Variants in PEAK1 observed in about 807,000 individuals in gnomAD.
PEAK1 encodes the protein pseudopodium enriched atypical kinase 1.
A neutral mutation model predicts 124.7 loss-of-function variants in PEAK1; 54 were observed. The observed-to-expected ratio is 0.43, with a 90% CI of 0.35 to 0.54. The LOEUF is 0.54. Among genes scored for constraint, PEAK1 ranks in the 20% least tolerant of loss-of-function variants. PEAK1 has a pLI of 0.01. For synonymous variants in PEAK1, 719 were observed against 760.0 expected (o/e 0.95, Z 0.89); for missense variants, 2,046 against 2,134.5 (o/e 0.96, Z 0.82).
intron 5 of PEAK1, among the ~76,000 whole-genome samples, chr15:77,262,485 A>G (rs1024817103): frequency 1.3e-5 from 2 of 151,526 alleles, no homozygotes; most frequent in African/African-American, 2.4e-5. Context: ...CAGACTTTAA[A>G]CCAATAAAGA....
chr15:77,293,745 C>A (rs1567221770), intron 2 of PEAK1, among the ~76,000 whole-genome samples: 1 of 152,120 alleles, frequency 6.6e-6, no homozygotes, highest in East Asian at 1.9e-4. Flanking sequence ...TTATATTATT[C>A]TCTAGTCTAG....
chr15:77,370,352 G>A (rs1219643374), intron 1 of PEAK1, among the ~76,000 whole-genome samples: 1 of 152,130 alleles, frequency 6.6e-6, no homozygotes, highest in Non-Finnish European at 1.5e-5. Flanking sequence ...AATCTTGAAA[G>A]TTGTAATAAA....
chr15:77,232,149 A>G (rs2152897659), intron 6 of PEAK1, among the ~76,000 whole-genome samples: 1 of 152,312 alleles, frequency 6.6e-6, no homozygotes, highest in Admixed American at 6.5e-5. Flanking sequence ...TTTAATCAGT[A>G]TTCTCACTTC....
chr15:77,294,610 C>T (rs554017173), intron 2 of PEAK1, among the ~76,000 whole-genome samples: 105 of 152,174 alleles, frequency 6.9e-4, no homozygotes, highest in African/African-American at 2.3e-3. Flanking sequence ...GTGTAAAATG[C>T]GATAAACACA....
chr15:77,128,466 CTT>C (rs2052571797), intron 9 of PEAK1, among the ~76,000 whole-genome samples: 1 of 152,204 alleles, frequency 6.6e-6, no homozygotes, highest in Admixed American at 6.5e-5. Flanking sequence ...GAAGCTGCCT[CTT>C]GAGATCTGGT....
chr15:77,387,532 G>A (rs764454829), intron 1 of PEAK1, among the ~76,000 whole-genome samples: 4 of 152,184 alleles, frequency 2.6e-5, no homozygotes, highest in Non-Finnish European at 4.4e-5. Flanking sequence ...TAACTAATGT[G>A]TACGATCTCC....
rs2053090165 is a variant in PEAK1 at position 77,133,820 on chromosome 15, C to G, written c.3332-70G>C. On this transcript the variant is annotated intron_variant, in intron 8 of 9. Coordinates refer to ENST00000682557, the MANE Select transcript of PEAK1 (RefSeq NM_001385026.1). The surrounding 1 kb of genome is among the most constrained non-coding windows in gnomAD (Gnocchi z 4.2). ...TTTCAATCTAATTTTATAACTGAAA[C>G]TTGAGCAGAAATGAGTGAGGTAGCC... is the stretch of plus-strand genomic sequence containing the variant. The G allele has an allele frequency of 5.5e-6, 8 of 1,459,940 alleles. No homozygotes were observed. The highest frequency in any genetic ancestry group is 7.2e-6 in the Non-Finnish European group (8 of 1,104,686). 90.4% of individuals were successfully genotyped at this position (1,459,940 alleles called of 1,614,324 possible).
At chr15:77,315,630 T>A (rs1463398821) in intron 2 of PEAK1, among the ~76,000 whole-genome samples, 2 of 147,382 alleles carry the variant, frequency 1.4e-5, no homozygotes, top group Admixed American at 1.3e-4. Flanking sequence ...AAAATAAAAA[T>A]AAAATAAAAA....
intron 8 of PEAK1, among the ~76,000 whole-genome samples, chr15:77,148,582 G>T (rs34479592): frequency 0.087 from 13,292 of 151,994 alleles, 654 homozygotes; most frequent in Non-Finnish European, 0.1. Flanking sequence ...TTTTAAATCC[G>T]TTCCACTTTA....
chr15:77,307,849 T>C (rs973729106), intron 2 of PEAK1, among the ~76,000 whole-genome samples: 2 of 151,966 alleles, frequency 1.3e-5, no homozygotes, highest in East Asian at 1.9e-4. Flanking sequence ...TTTGAGTATA[T>C]AGGCTGGGGT....
At chr15:77,227,835 TA>T (rs879308454) in intron 6 of PEAK1, among the ~76,000 whole-genome samples, 207 of 144,746 alleles carry the variant, frequency 1.4e-3, no homozygotes, top group Middle Eastern at 3.5e-3. Flanking sequence ...CCAGGTCAAC[TA>T]AAAAAAAAAA....
At chr15:77,406,929 T>G (rs993371703) in intron 1 of PEAK1, among the ~76,000 whole-genome samples, 4 of 152,134 alleles carry the variant, frequency 2.6e-5, no homozygotes, top group African/African-American at 9.7e-5. Flanking sequence ...AATAGGCACG[T>G]AGACCAATTT....
chr15:77,256,874 A>T (rs1262567401), intron 5 of PEAK1, among the ~76,000 whole-genome samples: 9 of 58,000 alleles, frequency 1.6e-4, no homozygotes, highest in African/African-American at 4.4e-4. Context: ...TATCCCTCCC[A>T]CCTCCCCCCA....
chr15:77,344,089 GCTGT>G lies in PEAK1; in HGVS notation c.-603+21070_-603+21073del, dbSNP rs2066718574. Among the ~76,000 whole-genome samples, 5 of 152,136 alleles carry G rather than the reference GCTGT, an allele frequency of 3.3e-5. No individual in the cohort carries two copies. The South Asian group carries it at 6.2e-4, about 19-fold the overall frequency. On this transcript the variant is annotated intron_variant, in intron 2 of 9. Coordinates refer to ENST00000682557, the MANE Select transcript of PEAK1 (RefSeq NM_001385026.1). ...TATATAAGCAAGGATTTAGTTCTTGGCTGTCTGTTTTTTTGTTTTTTTGAGATAA... is the reference window on the plus strand; with the variant it reads ...TATATAAGCAAGGATTTAGTTCTTGGCTGTTTTTTTGTTTTTTTGAGATAA...
intron 6 of PEAK1, among the ~76,000 whole-genome samples, chr15:77,220,781 G>A (rs2059352655): frequency 6.6e-6 from 1 of 151,908 alleles, no homozygotes; most frequent in Non-Finnish European, 1.5e-5. Context: ...TTTATGACAG[G>A]GAAATGACAA....
chr15:77,304,027 ATTCTG>A (rs2063930995), intron 2 of PEAK1, among the ~76,000 whole-genome samples: 1 of 152,198 alleles, frequency 6.6e-6, no homozygotes, highest in Non-Finnish European at 1.5e-5. Context: ...TAGACTCTCC[ATTCTG>A]TTCTATTAAT....
At chr15:77,135,334 T>C (rs1322155851) in intron 8 of PEAK1, among the ~76,000 whole-genome samples, 1 of 152,224 alleles carries the variant, frequency 6.6e-6, no homozygotes, top group Non-Finnish European at 1.5e-5. Context: ...TAAGCACCAA[T>C]ATAATCTGGG....
rs532041706 is a variant in PEAK1 at position 77,180,419 on chromosome 15, G to C, written c.1508C>G (p.Ser503Cys). 1.9e-5 allele frequency: 31 copies of C among 1,614,180 alleles called. No individual in the cohort carries two copies. The East Asian group carries it at 6.5e-4, about 34-fold the overall frequency. ...VNSPKTKSSS[S>C]TPNSPVTSSS... ...TGATGTAACTGGAGAGTTTGGAGTA[G>C]AGGATGAGCTTTTTGTCTTGGGGCT... Residue 503 changes from serine to cysteine, a missense_variant, in exon 7 of 10, where the codon TCT becomes TGT. Transcript: ENST00000682557.
chr15:77,317,607 A>C lies in PEAK1; in HGVS notation c.-602-31103T>G, dbSNP rs1338952873. On this transcript the variant is annotated intron_variant, in intron 2 of 9. Transcript: ENST00000682557. ...GAGCATGTGTTCCCAGAGCTGGTTA[A>C]AAACAGACAGAAGAATGGGGTCTCC... 2.0e-5 allele frequency among the ~76,000 whole-genome samples: 3 copies of C among 152,188 alleles called. No individual in the cohort carries two copies. The East Asian group carries it at 5.8e-4, about 29-fold the overall frequency.
Sources: allele counts gnomAD v4.1 joint callset (sites outside exome capture counted in the v4.1 genomes callset), GRCh38; gene constraint gnomAD v4.1.1; non-coding constraint Gnocchi (gnomAD v3.1); transcripts MANE v1.5; gene names NCBI Gene and HGNC (gene_info 2026-07-23, HGNC 2026-07-21).